The following LARP1B variants were observed in gnomAD, a reference collection of about 807,000 sequenced individuals.
The protein encoded by LARP1B is la-related protein 1B.
In LARP1B, 76 loss-of-function variants were observed where a neutral mutation model predicts 114.2. That is an observed-to-expected ratio of 0.67 (90% CI 0.55 to 0.81). The LOEUF (loss-of-function observed/expected upper bound fraction) is 0.81. LARP1B is among the 30% of genes least tolerant of loss of function. The pLI, the probability that LARP1B is intolerant of heterozygous loss-of-function variation, is 0.00. For synonymous variants in LARP1B, 345 were observed against 348.0 expected (o/e 0.99, Z 0.10); for missense variants, 1,014 against 1,075.8 (o/e 0.94, Z 0.80).
At chr4:128,130,603 C>T (rs985147816) in intron 11 of LARP1B, among the ~76,000 whole-genome samples, 2 of 152,322 alleles carry the variant, frequency 1.3e-5, no homozygotes, top group African/African-American at 4.8e-5. Flanking sequence ...CAAAACAGTA[C>T]AGCTTCTTTG....
At chr4:128,075,547 CTTTTTT>C (rs1160065059) in intron 3 of LARP1B, among the ~76,000 whole-genome samples, 2 of 144,794 alleles carry the variant, frequency 1.4e-5, no homozygotes, top group African/African-American at 5.0e-5. Context: ...TCTTTCTTTT[CTTTTTT>C]TTTTTTTCCT....
intron 12 of LARP1B, among the ~76,000 whole-genome samples, chr4:128,172,937 A>ATGTGTGTGTGTGTGTG (rs57382183): frequency 2.0e-3 from 279 of 137,078 alleles, no homozygotes; most frequent in African/African-American, 7.3e-3. Flanking sequence ...ATCCCATCCA[A>ATGTGTGTGTGTGTGTG]TGTGTGTGTG....
chr4:128,114,804 C>A, intron 10 of LARP1B, 62 bp downstream of exon 10: 2 of 1,454,062 alleles, frequency 1.4e-6, no homozygotes, highest in Non-Finnish European at 1.9e-6. Flanking sequence ...GGTCAGTGCA[C>A]TTTATGTTTG....
chr4:128,087,913 TTG>T (rs1774306732), intron 5 of LARP1B, among the ~76,000 whole-genome samples: 1 of 152,094 alleles, frequency 6.6e-6, no homozygotes, highest in African/African-American at 2.4e-5. Flanking sequence ...TTTTTTTCTA[TTG>T]TTTTTCAAAA....
intron 17 of LARP1B, among the ~76,000 whole-genome samples, chr4:128,204,713 T>C (rs1487698411): frequency 1.3e-5 from 2 of 151,690 alleles, no homozygotes; most frequent in African/African-American, 4.8e-5. Context: ...AAGAGTATAA[T>C]TGAATTGTTT....
chr4:128,164,316 G>A (rs1436517724), intron 12 of LARP1B, among the ~76,000 whole-genome samples: 1 of 152,006 alleles, frequency 6.6e-6, no homozygotes, highest in African/African-American at 2.4e-5. Flanking sequence ...TCCCACTAGG[G>A]CTGTTCAGTT....
intron 12 of LARP1B, among the ~76,000 whole-genome samples, chr4:128,172,471 TC>T (rs1744144174): frequency 6.6e-6 from 1 of 152,148 alleles, no homozygotes; most frequent in Non-Finnish European, 1.5e-5. Flanking sequence ...GGCGGGTGTA[TC>T]ACCTGAGGTC....
chr4:128,091,488 T>C lies in LARP1B; in HGVS notation c.644T>C (p.Leu215Pro). The C allele has an allele frequency of 5.0e-6, 8 of 1,608,168 alleles. No homozygotes were observed. The highest frequency in any genetic ancestry group is 5.9e-6 in the Non-Finnish European group (7 of 1,178,108). Residue 215 changes from leucine to proline, a missense_variant, in exon 7 of 20, where the codon CTT becomes CCT. Coordinates refer to ENST00000326639, the MANE Select transcript of LARP1B (RefSeq NM_018078.4). ...GTGTATCCTGTGGAAGAAGCATTGC[T>C]TAAAGAGTATATTAAGCGTCAAATG... ...VQVYPVEEAL[L>P]KEYIKRQIEY...
intron 11 of LARP1B, chr4:128,155,814 TG>T: frequency 6.3e-7 from 1 of 1,587,780 alleles, no homozygotes; most frequent in African/African-American, 1.3e-5. Flanking sequence ...AACTGGAAGA[TG>T]AGAAATCAGG....
chr4:128,196,248 C>CAAAAAA (rs35423896), intron 15 of LARP1B, among the ~76,000 whole-genome samples: 15 of 88,550 alleles, frequency 1.7e-4, no homozygotes, highest in Non-Finnish European at 2.0e-4. Context: ...GAGAGTCTGT[C>CAAAAAA]AAAAAAAAAA....
intron 12 of LARP1B, among the ~76,000 whole-genome samples, chr4:128,166,401 A>C (rs1365189298): frequency 6.6e-6 from 1 of 151,912 alleles, no homozygotes; most frequent in Non-Finnish European, 1.5e-5. Flanking sequence ...ATGAACTCCT[A>C]GCCTGTCTCC....
intron 5 of LARP1B, among the ~76,000 whole-genome samples, chr4:128,088,513 C>T (rs912464950): frequency 2.0e-5 from 3 of 151,960 alleles, no homozygotes; most frequent in African/African-American, 4.8e-5. Context: ...TCTGTACTAA[C>T]GGTGGGTATT....
chr4:128,066,882 C>A (rs892614237), intron 1 of LARP1B, among the ~76,000 whole-genome samples: 14 of 151,616 alleles, frequency 9.2e-5, no homozygotes, highest in Middle Eastern at 3.4e-3. Context: ...CTGCAACCCC[C>A]CACCTCCCAG....
intron 12 of LARP1B, among the ~76,000 whole-genome samples, chr4:128,174,281 C>A (rs1405169053): frequency 5.3e-5 from 8 of 151,714 alleles, no homozygotes; most frequent in Non-Finnish European, 1.0e-4. Flanking sequence ...AGATGATATT[C>A]ATATATTATC....
At chr4:128,074,825 T>G in intron 2 of LARP1B, 109 bp from the exon 3 acceptor site, 1 of 708,376 alleles carries the variant, frequency 1.4e-6, no homozygotes, top group Non-Finnish European at 2.4e-6. Context: ...TGCATATAAC[T>G]GAATATAAAT....
At chr4:128,181,792 T>G (rs1040442970) in intron 15 of LARP1B, among the ~76,000 whole-genome samples, 10 of 147,502 alleles carry the variant, frequency 6.8e-5, no homozygotes, top group East Asian at 6.1e-4. Flanking sequence ...TTATTATTAT[T>G]ATGATGTCCT....
intron 7 of LARP1B, among the ~76,000 whole-genome samples, chr4:128,092,388 A>C (rs1776225145): frequency 1.3e-5 from 2 of 152,152 alleles, no homozygotes; most frequent in Admixed American, 6.6e-5. Context: ...CTGGGTACTG[A>C]ATGTGAAGTC....
chr4:128,176,156 TATAA>T (rs893753639), intron 12 of LARP1B, among the ~76,000 whole-genome samples: 29 of 131,288 alleles, frequency 2.2e-4, no homozygotes, highest in African/African-American at 7.6e-4. Context: ...ATATTATATA[TATAA>T]ATATATATAT....
intron 15 of LARP1B, among the ~76,000 whole-genome samples, chr4:128,198,210 A>T (rs1384791282): frequency 6.6e-6 from 1 of 152,146 alleles, no homozygotes; most frequent in African/African-American, 2.4e-5. Context: ...TATGCTGCAA[A>T]AATGCTTTGT....
Sources: gnomAD v4.1 joint callset for allele counts (sites outside exome capture counted in the v4.1 genomes callset) on GRCh38, gnomAD v4.1.1 for gene constraint, MANE v1.5 for transcripts, NCBI Gene and HGNC (gene_info 2026-07-23, HGNC 2026-07-21) for gene names.